FKBP1B: variants seen among roughly 807,000 people sequenced by gnomAD.
FKBP1B encodes the protein peptidyl-prolyl cis-trans isomerase FKBP1B.
Under a neutral mutation model 13.5 loss-of-function variants are expected in FKBP1B, and 4 were observed. That is an observed-to-expected ratio of 0.30 (90% confidence interval 0.15 to 0.68). The LOEUF (loss-of-function observed/expected upper bound fraction) is 0.68. Ranked by LOEUF, FKBP1B falls within the 30% of genes least tolerant of loss-of-function variation. The probability of loss-of-function intolerance (pLI) is 0.76; values close to 1 mark genes in which losing one functional copy is unlikely to be tolerated. For synonymous variants in FKBP1B, 54 were observed against 53.6 expected (o/e 1.01, Z -0.03); for missense variants, 93 against 136.2 (o/e 0.68, Z 1.58).
the FKBP1B span, among the ~76,000 whole-genome samples, chr2:24,043,172 A>G: frequency 6.6e-5 from 10 of 152,198 alleles, no homozygotes; most frequent in Non-Finnish European, 2.9e-5. Flanking sequence ...CGTCTCTACT[A>G]AAAATACAAA....
In FKBP1B at chr2:24,063,484, C is replaced by CCG; in HGVS notation, c.*292_*293insCG. On this transcript the variant is annotated 3_prime_UTR_variant, in exon 4 of 4. Coordinates refer to ENST00000380986, the MANE Select transcript of FKBP1B (RefSeq NM_004116.5). Reference sequence around the variant, plus strand: ...ACAGAACACAGATCTCTTGTTCGCACAATCTACACTGCCTTACCTTCACTT... The same window carrying CCG: ...ACAGAACACAGATCTCTTGTTCGCACCGAATCTACACTGCCTTACCTTCACTT... 1.0e-3 allele frequency: 331 copies of CCG among 319,320 alleles called. No homozygotes were observed. The highest frequency in any genetic ancestry group is 6.1e-3 in the South Asian group (57 of 9,376). The allele number at this position is 319,320 out of a possible 1,614,324, so 19.8% of individuals were successfully genotyped here. A position where few individuals can be genotyped will look rare whatever the true frequency, so the allele number is the denominator to read the frequency against.
intron 1 of FKBP1B, 86 bp from the exon 2 acceptor site, chr2:24,053,816 T>C: frequency 1.5e-6 from 2 of 1,301,354 alleles, no homozygotes; most frequent in Non-Finnish European, 2.2e-6. Flanking sequence ...GAATGCAGGC[T>C]GGAGCTCTTG....
upstream of FKBP1B, among the ~76,000 whole-genome samples, chr2:24,049,403 C>T (rs1007961442): frequency 6.6e-6 from 1 of 152,108 alleles, no homozygotes; most frequent in African/African-American, 2.4e-5. Flanking sequence ...ATGGTTTAAT[C>T]GCCGGCCTTT....
At position 24,060,897 on chromosome 2, in the gene FKBP1B, A is replaced by C. The variant is rs1485268183; in HGVS notation, c.169A>C (p.Ile57Leu). The C allele has an allele frequency of 6.2e-7, 1 of 1,614,042 alleles. No individual in the cohort carries two copies. The highest frequency in any genetic ancestry group is 1.3e-5 in the African/African-American group (1 of 74,940). Reference protein sequence around the residue: ...FKFRIGKQEVIKGFEEGAAQM... With the variant: ...FKFRIGKQEVLKGFEEGAAQM... ...GTTCAGAATTGGCAAACAGGAAGTC[A>C]TCAAAGGTTTTGAAGAGGGTGCAGC... Residue 57 changes from isoleucine to leucine, a missense_variant, in exon 3 of 4, where the codon ATC becomes CTC. Ile to Leu is a conservative substitution (Grantham distance 5). Transcript: ENST00000380986.
At chr2:24,048,519 T>A (rs1006296977), upstream of FKBP1B, among the ~76,000 whole-genome samples, 4 of 150,834 alleles carry the variant, frequency 2.7e-5, no homozygotes, top group African/African-American at 4.9e-5. Flanking sequence ...GATCTCGCTA[T>A]GTTACCCAGG....
chr2:24,044,942 A>T (rs1177621114), upstream of FKBP1B, among the ~76,000 whole-genome samples: 1 of 152,220 alleles, frequency 6.6e-6, no homozygotes, highest in Non-Finnish European at 1.5e-5. Flanking sequence ...AAGGCAATTA[A>T]AACCTTATAT....
At chr2:24,038,940 G>T in the FKBP1B span, 1 of 1,614,076 alleles carries the variant, frequency 6.2e-7, no homozygotes, top group African/African-American at 1.3e-5. Context: ...TCTGAGCGCT[G>T]TCCCAAATAT....
the FKBP1B span, among the ~76,000 whole-genome samples, chr2:24,040,028 T>G: frequency 1.3e-5 from 2 of 152,110 alleles, no homozygotes; most frequent in African/African-American, 2.4e-5. Flanking sequence ...CTCAAACTCC[T>G]GACCTCAGGC....
intron 2 of FKBP1B, among the ~76,000 whole-genome samples, chr2:24,059,575 T>C (rs780229571): frequency 7.9e-5 from 12 of 151,964 alleles, no homozygotes; most frequent in Non-Finnish European, 1.3e-4. Flanking sequence ...AACAGAACTT[T>C]AGGTGGAGGA....
the FKBP1B span, among the ~76,000 whole-genome samples, chr2:24,036,240 A>G: frequency 6.6e-6 from 1 of 151,206 alleles, no homozygotes; most frequent in Non-Finnish European, 1.5e-5. Flanking sequence ...ATGCAGTGGC[A>G]CACACCTGTA....
chr2:24,049,612 G>T (rs931123797), upstream of FKBP1B: 11 of 365,890 alleles, frequency 3.0e-5, no homozygotes, highest in African/African-American at 2.1e-4. Flanking sequence ...CTAACAGCCG[G>T]GCGGGGTCCC....
At chr2:24,062,973 T>C in intron 3 of FKBP1B, 91 bp from the exon 4 acceptor site, 1 of 1,590,142 alleles carries the variant, frequency 6.3e-7, no homozygotes, top group South Asian at 1.1e-5. Flanking sequence ...TTGAGGATGG[T>C]TTGGGAAAAT....
At position 24,049,892 on chromosome 2, in the gene FKBP1B, G is replaced by T; in HGVS notation, c.37+6G>T. On this transcript the variant is annotated splice_donor_region_variant and intron_variant, in intron 1 of 3. Coordinates refer to ENST00000380986, the MANE Select transcript of FKBP1B (RefSeq NM_004116.5). ...GACCATCTCCCCCGGAGACGGTACC[G>T]GGCTCCCTCCGGAGCCAGGGGAGGG... The T allele has an allele frequency of 1.4e-6, 2 of 1,410,612 alleles. No individual in the cohort carries two copies. Among genetic ancestry groups the T allele is most frequent in the Non-Finnish European group, 1.9e-6 (2 of 1,080,810 alleles). The allele number at this position is 1,410,612 out of a possible 1,614,324, so 87.4% of individuals were successfully genotyped here.
intron 2 of FKBP1B, among the ~76,000 whole-genome samples, chr2:24,057,001 T>A (rs551728384): frequency 6.6e-5 from 10 of 152,224 alleles, no homozygotes; most frequent in African/African-American, 2.4e-4. Flanking sequence ...GGTTGTCTTT[T>A]TCTTGTTGAT....
At chr2:24,038,384 G>A in the FKBP1B span, 5 of 1,614,200 alleles carry the variant, frequency 3.1e-6, no homozygotes, top group Non-Finnish European at 4.2e-6. Context: ...ACTGAAGATG[G>A]AATGACAGAG....
chr2:24,049,827 G>C lies in FKBP1B; in HGVS notation c.-23G>C. 1 of 1,374,140 alleles carries C rather than the reference G, an allele frequency of 7.3e-7. No individual in the cohort carries two copies. The highest frequency in any genetic ancestry group is 9.4e-7 in the Non-Finnish European group (1 of 1,061,326). 85.1% of individuals were successfully genotyped at this position (1,374,140 alleles called of 1,614,324 possible). A position where few individuals can be genotyped will look rare whatever the true frequency, so the allele number is the denominator to read the frequency against. ...GTCGGGCAGCAGCAGGGACCCCCCA[G>C]AGGCGGGGCCTGTGGGACCGCTATG... On this transcript the variant is annotated 5_prime_UTR_variant, in exon 1 of 4. Transcript: ENST00000380986.
chr2:24,058,659 T>C (rs1664244951), intron 2 of FKBP1B, among the ~76,000 whole-genome samples: 1 of 152,384 alleles, frequency 6.6e-6, no homozygotes, highest in South Asian at 2.1e-4. Context: ...TGTACAAGTA[T>C]GTATCTGTGT....
At chr2:24,052,902 G>A (rs1053289436) in intron 1 of FKBP1B, among the ~76,000 whole-genome samples, 1 of 151,924 alleles carries the variant, frequency 6.6e-6, no homozygotes, top group Non-Finnish European at 1.5e-5. Flanking sequence ...GCCCAGGAAA[G>A]GTCAAGGCTG....
At position 24,050,652 on chromosome 2, in the gene FKBP1B, G is replaced by C. The variant is rs1337036535; in HGVS notation, c.37+766G>C. ...CCGTGTCTCACTTTCCCAAGTCCTTGTATTACTGGGTCTGGGTGTGCAAGG... is the reference window on the plus strand; with the variant it reads ...CCGTGTCTCACTTTCCCAAGTCCTTCTATTACTGGGTCTGGGTGTGCAAGG... On this transcript the variant is annotated intron_variant, in intron 1 of 3. Coordinates refer to ENST00000380986, the MANE Select transcript of FKBP1B (RefSeq NM_004116.5). This position sits in a 1 kb window ranked among gnomAD's most constrained non-coding sequence, Gnocchi z 5.8. Among the ~76,000 whole-genome samples, 8 of 152,148 alleles carry C rather than the reference G, an allele frequency of 5.3e-5. No individual in the cohort carries two copies. Among genetic ancestry groups the C allele is most frequent in the Non-Finnish European group, 7.3e-5 (5 of 68,032 alleles).
Sources: gnomAD v4.1 joint callset for allele counts (sites outside exome capture counted in the v4.1 genomes callset) on GRCh38, gnomAD v4.1.1 for gene constraint, Gnocchi (gnomAD v3.1) non-coding constraint, MANE v1.5 for transcripts, NCBI Gene and HGNC (gene_info 2026-07-23, HGNC 2026-07-21) for gene names.